Variants in ZNF587 observed in about 807,000 individuals in gnomAD.
ZNF587 encodes zinc finger protein zfp6.
Under a neutral mutation model 7.5 loss-of-function variants are expected in ZNF587, and 8 were observed. The observed-to-expected ratio is 1.06, with a 90% CI of 0.62 to 1.92. The LOEUF (loss-of-function observed/expected upper bound fraction) is 1.92. Ranked by LOEUF, ZNF587 falls within the 40% of genes most tolerant of loss-of-function variation. The pLI is 0.00. For synonymous variants in ZNF587, 145 were observed against 237.8 expected, an observed-to-expected ratio of 0.61 and a Z score of 3.59; for missense variants, 468 against 692.8, an observed-to-expected ratio of 0.68 and a Z score of 3.64.
At position 57,864,128 on chromosome 19, in the gene ZNF587, A is replaced by ATTTTTTTTTTTTTTTTTTTTTTTTTTTT. The variant is rs200642194; in HGVS notation, c.*4011_*4012insTTTTTTTTTTTTTTTTTTTTTTTTTTTT. Reference sequence around the variant, plus strand: ...ATATGGGCTTAGATATTATCCCTAAATTTTTTTTTTTTTTTTTTTTTTTGA... The same window carrying ATTTTTTTTTTTTTTTTTTTTTTTTTTTT: ...ATATGGGCTTAGATATTATCCCTAAATTTTTTTTTTTTTTTTTTTTTTTTTTTTTTTTTTTTTTTTTTTTTTTTTTTGA... On this transcript the variant is annotated 3_prime_UTR_variant, in exon 3 of 3. Coordinates refer to ENST00000339656, the MANE Select transcript of ZNF587 (RefSeq NM_032828.4). 4.4e-5 allele frequency: 4 copies of ATTTTTTTTTTTTTTTTTTTTTTTTTTTT among 90,610 alleles called. No individual in the cohort carries two copies. The highest frequency in any genetic ancestry group is 8.9e-5 in the African/African-American group (2 of 22,358). The allele number at this position is 90,610 out of a possible 1,614,324, so 5.6% of individuals were successfully genotyped here.
rs2071396481 is a variant in ZNF587 at position 57,858,672 on chromosome 19, C to T, written c.260C>T (p.Ser87Phe). Reference protein sequence around the residue: ...SQSRTPRAGVSPKKAHPCEMC... With the variant: ...SQSRTPRAGVFPKKAHPCEMC... ...AGCAGGACTCCTAGGGCAGGTGTTT[C>T]TCCTAAGAAGGCTCACCCCTGTGAA... The change falls in exon 3 of 3, where the codon TCT (serine) becomes TTT (phenylalanine). Residue 87 changes from serine to phenylalanine, a missense_variant. By Grantham distance (155) the Ser-to-Phe change is radical. Transcript: ENST00000339656. 1 of 1,586,974 alleles carries T rather than the reference C, an allele frequency of 6.3e-7. No homozygotes were observed. Among genetic ancestry groups the T allele is most frequent in the Non-Finnish European group, 8.6e-7 (1 of 1,166,138 alleles).
Position 57,864,495 on chromosome 19 carries a change from G to A in ZNF587, c.*4355G>A, listed in dbSNP as rs1451773337. 1 of 151,968 alleles carries A rather than the reference G, an allele frequency of 6.6e-6. No individual in the cohort carries two copies. Among genetic ancestry groups the A allele is most frequent in the East Asian group, 1.9e-4 (1 of 5,176 alleles). The allele number at this position is 151,968 out of a possible 1,614,324, so 9.4% of individuals were successfully genotyped here. A position where few individuals can be genotyped will look rare whatever the true frequency, so the allele number is the denominator to read the frequency against. On this transcript the variant is annotated 3_prime_UTR_variant, in exon 3 of 3. Transcript: ENST00000339656. ...CCTAAAGGCATGGCACTTGAGAAAT[G>A]TGAATAAGATTGTAAGTTACAAATA...
In ZNF587 at chr19:57,859,635, A is replaced by G. The variant is rs368276129; in HGVS notation, c.1223A>G (p.Tyr408Cys). ...CGAGGTCATACTGGAGAAAGGCCCT[A>G]TGAGTGCAAGGAATGTGGGAAATCA... is the stretch of plus-strand genomic sequence containing the variant. ...HQRGHTGERPYECKECGKSFR... is the reference protein window; with the variant it reads ...HQRGHTGERPCECKECGKSFR... Residue 408 changes from tyrosine to cysteine, a missense_variant, in exon 3 of 3, where the codon TAT becomes TGT. Coordinates refer to ENST00000339656, the MANE Select transcript of ZNF587 (RefSeq NM_032828.4). 6.2e-6 allele frequency: 10 copies of G among 1,614,016 alleles called. No individual in the cohort carries two copies. Among genetic ancestry groups the G allele is most frequent in the Middle Eastern group, 1.6e-4 (1 of 6,084 alleles).
chr19:57,856,700 G>A (rs142909483), intron 2 of ZNF587, among the ~76,000 whole-genome samples: 8,002 of 152,020 alleles, frequency 0.053, 302 homozygotes, highest in Middle Eastern at 0.078. Context: ...GAGCCACCAC[G>A]CCCAGCCACC....
intron 1 of ZNF587, among the ~76,000 whole-genome samples, chr19:57,855,534 C>A (rs942813907): frequency 6.7e-6 from 1 of 149,170 alleles, no homozygotes; most frequent in African/African-American, 2.5e-5. Context: ...CCTTGGATAT[C>A]GCTGTTCAGA....
At chr19:57,852,595 TG>T (rs56067707) in intron 1 of ZNF587, among the ~76,000 whole-genome samples, 26,368 of 151,740 alleles carry the variant, frequency 0.17, 3,949 homozygotes, top group African/African-American at 0.41. Context: ...GGCGCAATCT[TG>T]GGCTCACTGG....
At chr19:57,855,925 T>G (rs1418446347) in intron 1 of ZNF587, 179 bp from the exon 2 acceptor site, 2 of 1,088,932 alleles carry the variant, frequency 1.8e-6, no homozygotes, top group Admixed American at 2.6e-5. Flanking sequence ...CACCTACTTC[T>G]TGTTGCTGAT....
In ZNF587 at chr19:57,865,077, G is replaced by A. The variant is rs1281876201; in HGVS notation, c.*4937G>A. The A allele has an allele frequency of 6.6e-6, 1 of 152,148 alleles. No homozygotes were observed. Among genetic ancestry groups the A allele is most frequent in the Non-Finnish European group, 1.5e-5 (1 of 68,040 alleles). 9.4% of individuals were successfully genotyped at this position (152,148 alleles called of 1,614,324 possible). ...TCTTATGAAGTTAATCTTCCTGCTTGTATGTGAATTAAATATATGTCAAAC... is the reference window on the plus strand; with the variant it reads ...TCTTATGAAGTTAATCTTCCTGCTTATATGTGAATTAAATATATGTCAAAC... On this transcript the variant is annotated 3_prime_UTR_variant, in exon 3 of 3. Coordinates refer to ENST00000339656, the MANE Select transcript of ZNF587 (RefSeq NM_032828.4).
rs1306358098 is a variant in ZNF587 at position 57,860,789 on chromosome 19, G to C, written c.*649G>C. 6.5e-6 allele frequency: 1 copy of C among 153,600 alleles called. No individual in the cohort carries two copies. Among genetic ancestry groups the C allele is most frequent in the Non-Finnish European group, 1.4e-5 (1 of 69,086 alleles). The allele number at this position is 153,600 out of a possible 1,614,324, so 9.5% of individuals were successfully genotyped here. A position where few individuals can be genotyped will look rare whatever the true frequency, so the allele number is the denominator to read the frequency against. ...AATGAAACTGCTATATTTGAATGCA[G>C]TTGTTCATGTAGGTATGTTTCACTA... On this transcript the variant is annotated 3_prime_UTR_variant, in exon 3 of 3. Transcript: ENST00000339656.
Position 57,861,277 on chromosome 19 carries a change from A to G in ZNF587, c.*1137A>G, listed in dbSNP as rs2071429056. ...AAGAGGGAGTATGGTTAGTATTTGA[A>G]ATTGTTTATTATTTTAATAAGTGGT... On this transcript the variant is annotated 3_prime_UTR_variant, in exon 3 of 3. Transcript: ENST00000339656. 1 of 151,554 alleles carries G rather than the reference A, an allele frequency of 6.6e-6. No homozygotes were observed. Among genetic ancestry groups the G allele is most frequent in the African/African-American group, 2.4e-5 (1 of 41,400 alleles). 9.4% of individuals were successfully genotyped at this position (151,554 alleles called of 1,614,324 possible). A position where few individuals can be genotyped will look rare whatever the true frequency, so the allele number is the denominator to read the frequency against.
At chr19:57,854,126 T>G (rs1437289755) in intron 1 of ZNF587, 1 of 152,248 alleles carries the variant, frequency 6.6e-6, no homozygotes, top group East Asian at 1.9e-4. Context: ...GGAGTTTCAT[T>G]CAGCCTGGTG....
In ZNF587 at chr19:57,863,422, C is replaced by T. The variant is rs750782311; in HGVS notation, c.*3282C>T. ...TGAGCCACTGCACCTGGCCTGTATT[C>T]TTTTCTTTAGTAGAGACGGGGTTTT... On this transcript the variant is annotated 3_prime_UTR_variant, in exon 3 of 3. Coordinates refer to ENST00000339656, the MANE Select transcript of ZNF587 (RefSeq NM_032828.4). 8 of 151,920 alleles carry T rather than the reference C, an allele frequency of 5.3e-5. No individual in the cohort carries two copies. The highest frequency in any genetic ancestry group is 1.2e-4 in the Non-Finnish European group (8 of 68,028). 9.4% of individuals were successfully genotyped at this position (151,920 alleles called of 1,614,324 possible).
In ZNF587 at chr19:57,860,145, A is replaced by G. The variant is rs2071416231; in HGVS notation, c.*5A>G. 1.2e-6 allele frequency: 2 copies of G among 1,614,010 alleles called. No individual in the cohort carries two copies. The highest frequency in any genetic ancestry group is 2.7e-5 in the African/African-American group (2 of 74,932). On this transcript the variant is annotated 3_prime_UTR_variant, in exon 3 of 3. Coordinates refer to ENST00000339656, the MANE Select transcript of ZNF587 (RefSeq NM_032828.4). ...CACAGGAGAAAGGCCTTATGAGTGC[A>G]GTGAATATGGGAAATCGTTTGCTGA... is the stretch of plus-strand genomic sequence containing the variant.
chr19:57,860,318 G>A lies in ZNF587; in HGVS notation c.*178G>A, dbSNP rs1214606891. 1 of 1,250,004 alleles carries A rather than the reference G, an allele frequency of 8.0e-7. No homozygotes were observed. The highest frequency in any genetic ancestry group is 2.3e-5 in the Admixed American group (1 of 43,838). The allele number at this position is 1,250,004 out of a possible 1,614,324, so 77.4% of individuals were successfully genotyped here. On this transcript the variant is annotated 3_prime_UTR_variant, in exon 3 of 3. Coordinates refer to ENST00000339656, the MANE Select transcript of ZNF587 (RefSeq NM_032828.4). ...GAGTCTTGTTCTGTCACCCAGGCTG[G>A]AGTGCAGTGGTGCAGTCTTGGCTCG...
chr19:57,855,210 T>C (rs1237794712), intron 1 of ZNF587, among the ~76,000 whole-genome samples: 1 of 149,760 alleles, frequency 6.7e-6, no homozygotes, highest in Non-Finnish European at 1.5e-5. Flanking sequence ...CCGAGTGTAG[T>C]GGTACATGGC....
At position 57,850,752 on chromosome 19, in the gene ZNF587, A is replaced by C. The variant is rs1171428049; in HGVS notation, c.33+681A>C. ...AGAGCTCTTGGGCTCCACCCAGTTT[A>C]TTGGTTTACAAGCTCTTTGTTCTTA... On this transcript the variant is annotated intron_variant, in intron 1 of 2. Coordinates refer to ENST00000339656, the MANE Select transcript of ZNF587 (RefSeq NM_032828.4). 1.1e-4 allele frequency: 43 copies of C among 394,478 alleles called. No individual in the cohort carries two copies. The East Asian group carries it at 1.4e-3, about 13-fold the overall frequency. The allele number at this position is 394,478 out of a possible 1,614,324, so 24.4% of individuals were successfully genotyped here.
At chr19:57,850,537 T>C (rs2071268690) in intron 1 of ZNF587, 3 of 454,672 alleles carry the variant, frequency 6.6e-6, no homozygotes, top group Non-Finnish European at 7.7e-6. Flanking sequence ...CTGTGTGTTG[T>C]CCGCTGATCC....
chr19:57,860,585 G>A lies in ZNF587; in HGVS notation c.*445G>A, dbSNP rs1277107484. The A allele has an allele frequency of 2.8e-5, 6 of 214,614 alleles. No individual in the cohort carries two copies. In the South Asian group the frequency reaches 4.5e-4, roughly 16 times the overall value. 13.3% of individuals were successfully genotyped at this position (214,614 alleles called of 1,614,324 possible). A position where few individuals can be genotyped will look rare whatever the true frequency, so the allele number is the denominator to read the frequency against. Reference sequence around the variant, plus strand: ...ACCTGGCCTTCATTCTTTTCGTATTGCTTAGAATATGACATGCTGAACCAG... The same window carrying A: ...ACCTGGCCTTCATTCTTTTCGTATTACTTAGAATATGACATGCTGAACCAG... On this transcript the variant is annotated 3_prime_UTR_variant, in exon 3 of 3. Coordinates refer to ENST00000339656, the MANE Select transcript of ZNF587 (RefSeq NM_032828.4).
rs2071491304 is a variant in ZNF587 at position 57,865,049 on chromosome 19, T to G, written c.*4909T>G. On this transcript the variant is annotated 3_prime_UTR_variant, in exon 3 of 3. Transcript: ENST00000339656. Reference sequence around the variant, plus strand: ...CTTGAATTAATACAACTTTTGTTAATTCTCTTATGAAGTTAATCTTCCTGC... The same window carrying G: ...CTTGAATTAATACAACTTTTGTTAAGTCTCTTATGAAGTTAATCTTCCTGC... 2 of 152,260 alleles carry G rather than the reference T, an allele frequency of 1.3e-5. No individual in the cohort carries two copies. The highest frequency in any genetic ancestry group is 4.8e-5 in the African/African-American group (2 of 41,470). The allele number at this position is 152,260 out of a possible 1,614,324, so 9.4% of individuals were successfully genotyped here.
Sources: allele counts gnomAD v4.1 joint callset (sites outside exome capture counted in the v4.1 genomes callset), GRCh38; gene constraint gnomAD v4.1.1; transcripts MANE v1.5; gene names NCBI Gene and HGNC (gene_info 2026-07-23, HGNC 2026-07-21).